Variants in BAZ1A observed in about 807,000 individuals in gnomAD.
The protein encoded by BAZ1A is bromodomain adjacent to zinc finger domain 1A, also known as bromodomain adjacent to zinc finger domain protein 1A.
A neutral mutation model predicts 185.2 loss-of-function variants in BAZ1A; 50 were observed. That is an observed-to-expected ratio of 0.27 (90% CI 0.22 to 0.34). The LOEUF (loss-of-function observed/expected upper bound fraction) is 0.34, where lower values mean the gene tolerates loss of function less well. BAZ1A is among the 10% of genes least tolerant of loss of function. The pLI, the probability that BAZ1A is intolerant of heterozygous loss-of-function variation, is 1.00. For synonymous variants in BAZ1A, 571 were observed against 615.6 expected (o/e 0.93, Z 1.07); for missense variants, 1,356 against 1,839.9 (o/e 0.74, Z 4.81).
rs988531892 is a variant in BAZ1A, at chr14:34,764,937, A to C, written c.3550-4T>G. ...ACCAGTCTCCTTCAGGCACAGTCTG[A>C]AAAAATCACATAAATGATCATTAAT... On this transcript the variant is annotated splice_region_variant and splice_polypyrimidine_tract_variant and intron_variant, in intron 22 of 26. Transcript: ENST00000360310. The C allele has an allele frequency of 2.5e-6, 4 of 1,614,022 alleles. No homozygotes were observed. The highest frequency in any genetic ancestry group is 2.2e-5 in the East Asian group (1 of 44,884).
rs10695361 is a variant in BAZ1A, at chr14:34,839,915, T to TAAA, written c.393-13762_393-13760dup. On this transcript the variant is annotated intron_variant, in intron 3 of 26. Transcript: ENST00000360310. ...ATTTTTTAAAAAAGAAAAGAACAAT[T>TAAA]AAAAATTTTTTTAAGTCAGAACTCT... Among the ~76,000 whole-genome samples, 910 of 150,220 alleles carry TAAA rather than the reference T, an allele frequency of 6.1e-3. 18 individuals carry two copies. The highest frequency in any genetic ancestry group is 0.022 in the African/African-American group (880 of 40,846).
intron 9 of BAZ1A, among the ~76,000 whole-genome samples, chr14:34,799,832 G>A (rs552106018): frequency 3.9e-4 from 60 of 152,120 alleles, no homozygotes; most frequent in Admixed American, 8.5e-4. Context: ...GGCTGGTCTC[G>A]AACTCCTGAC....
Position 34,762,166 on chromosome 14 carries a change from A to C in BAZ1A, c.3834T>G (p.Leu1278=). The C allele has an allele frequency of 6.2e-7, 1 of 1,614,172 alleles. No individual in the cohort carries two copies. The highest frequency in any genetic ancestry group is 8.5e-7 in the Non-Finnish European group (1 of 1,180,012). Residue 1278 remains leucine (L), a synonymous_variant, in exon 24 of 27, where the codon CTT becomes CTG. Transcript: ENST00000360310. ...GGCCACGACTTGAGAAAGAAGAGCT[A>C]AGTTTCCCTCTTGTTTTAACTGGCA... ...VRLPVKTRGK[L]SSSFSSRGQQ... is the part of the protein sequence containing the mutation.
In BAZ1A at chr14:34,782,762, A is replaced by G. The variant is rs537762185; in HGVS notation, c.2111+357T>C. Among the ~76,000 whole-genome samples, 33 of 152,304 alleles carry G rather than the reference A, an allele frequency of 2.2e-4. No individual in the cohort carries two copies. In the South Asian group the frequency reaches 6.4e-3, roughly 30 times the overall value. ...AAATTCCTACTTGTTTTCATAGACAATCCTATCTCAAATATTCTAAAATGC... is the reference window on the plus strand; with the variant it reads ...AAATTCCTACTTGTTTTCATAGACAGTCCTATCTCAAATATTCTAAAATGC... On this transcript the variant is annotated intron_variant, in intron 16 of 26. Transcript: ENST00000360310.
chr14:34,825,313 C>A (rs142816108), intron 4 of BAZ1A, among the ~76,000 whole-genome samples: 1 of 151,494 alleles, frequency 6.6e-6, no homozygotes. Flanking sequence ...ATTAGCCGGG[C>A]GTGGTGGTGC....
chr14:34,764,582 G>T, intron 23 of BAZ1A, 125 bp downstream of exon 23: 1 of 1,296,842 alleles, frequency 7.7e-7, no homozygotes, highest in Non-Finnish European at 1.0e-6. Flanking sequence ...ATAAGCTACC[G>T]TGTCCAGCCT....
chr14:34,784,367 C>CCAA lies in BAZ1A; in HGVS notation c.1832-441_1832-440insTTG, dbSNP rs1225939081. On this transcript the variant is annotated intron_variant, in intron 14 of 26. Coordinates refer to ENST00000360310, the MANE Select transcript of BAZ1A (RefSeq NM_013448.3). Reference sequence around the variant, plus strand: ...TGGGCAACTGAGTGAGACTCTGTCTCAAAAAAAAAAAAAAAAAAAAAAAAA... The same window carrying CCAA: ...TGGGCAACTGAGTGAGACTCTGTCTCCAAAAAAAAAAAAAAAAAAAAAAAAAAA... Among the ~76,000 whole-genome samples, 270 of 77,172 alleles carry CCAA rather than the reference C, an allele frequency of 3.5e-3. 51 individuals carry two copies. Among genetic ancestry groups the CCAA allele is most frequent in the East Asian group, 5.3e-3 (12 of 2,244 alleles). The allele number at this position is 77,172 out of a possible 152,430, so 50.6% of individuals were successfully genotyped here.
intron 20 of BAZ1A, among the ~76,000 whole-genome samples, chr14:34,772,249 T>C (rs7145412): frequency 0.58 from 88,213 of 151,994 alleles, 25,825 homozygotes; most frequent in South Asian, 0.67. Flanking sequence ...CCACTGCGCC[T>C]GGCCTAAAAT....
chr14:34,813,944 G>A (rs2041967825), intron 4 of BAZ1A, among the ~76,000 whole-genome samples: 1 of 151,760 alleles, frequency 6.6e-6, no homozygotes, highest in Non-Finnish European at 1.5e-5. Context: ...TTAGGAGGCT[G>A]AGGCAGGAGA....
intron 21 of BAZ1A, chr14:34,768,686 T>C: frequency 2.6e-6 from 1 of 387,590 alleles, no homozygotes; most frequent in South Asian, 2.0e-5. Flanking sequence ...AGTTAAAAAT[T>C]TACCATCTCT....
chr14:34,769,277 A>C (rs1879054363), intron 21 of BAZ1A, among the ~76,000 whole-genome samples: 1 of 152,132 alleles, frequency 6.6e-6, no homozygotes, highest in Admixed American at 6.5e-5. Context: ...GGCTTAAGTT[A>C]TTCTAATAAC....
At chr14:34,873,598 G>GA (rs753047750) in intron 2 of BAZ1A, among the ~76,000 whole-genome samples, 2 of 152,090 alleles carry the variant, frequency 1.3e-5, no homozygotes, top group Non-Finnish European at 1.5e-5. Flanking sequence ...GGCTGAGTCT[G>GA]GAGTTGAACT....
chr14:34,862,365 C>A (rs28571108), intron 2 of BAZ1A, 43 bp from the exon 3 acceptor site: 21 of 1,549,018 alleles, frequency 1.4e-5, no homozygotes, highest in Non-Finnish European at 1.7e-5. Flanking sequence ...CATTACCTAT[C>A]ATTTCACAAA....
In BAZ1A at chr14:34,783,344, TATAATGTAGTAATCATTCATAAGC is replaced by T. The variant is rs1211909378; in HGVS notation, c.1998-136_1998-113del. 4.6e-4 allele frequency: 300 copies of T among 657,274 alleles called. 1 individual carries two copies. Among genetic ancestry groups the T allele is most frequent in the Middle Eastern group, 2.7e-3 (6 of 2,254 alleles). 40.7% of individuals were successfully genotyped at this position (657,274 alleles called of 1,614,324 possible). ...AGTACTTCAAACATTATTATAAAAC[TATAATGTAGTAATCATTCATAAGC>T]TTTTTTTTTTTTTTTTTGAGACAGA... On this transcript the variant is annotated intron_variant, in intron 15 of 26. Transcript: ENST00000360310.
intron 3 of BAZ1A, among the ~76,000 whole-genome samples, chr14:34,844,032 C>CGT (rs1441060913): frequency 5.3e-5 from 3 of 56,328 alleles, no homozygotes; most frequent in Non-Finnish European, 1.1e-4. Flanking sequence ...GGTGAAACCC[C>CGT]GTCTCTACTA....
intron 4 of BAZ1A, among the ~76,000 whole-genome samples, chr14:34,820,203 G>GC (rs2042068155): frequency 7.4e-6 from 1 of 136,006 alleles, no homozygotes; most frequent in Admixed American, 8.4e-5. Flanking sequence ...TCAGCTCACT[G>GC]CAACTTCCAC....
intron 4 of BAZ1A, among the ~76,000 whole-genome samples, chr14:34,814,239 T>C (rs1446499980): frequency 2.0e-5 from 2 of 100,882 alleles, no homozygotes; most frequent in African/African-American, 3.6e-5. Flanking sequence ...TTATTACCAG[T>C]GGCTATATCT....
chr14:34,758,954 C>T (rs770281092), intron 24 of BAZ1A, 108 bp from the exon 25 acceptor site: 6 of 1,056,928 alleles, frequency 5.7e-6, no homozygotes, highest in Non-Finnish European at 8.1e-6. Flanking sequence ...ATAGACACTC[C>T]GTACACTGAG....
At chr14:34,793,560 G>A (rs1880987505) in intron 11 of BAZ1A, among the ~76,000 whole-genome samples, 1 of 152,208 alleles carries the variant, frequency 6.6e-6, no homozygotes, top group Admixed American at 6.5e-5. Context: ...TGTAATCCCA[G>A]CACTTTGCGA....
Sources: gnomAD v4.1 joint callset for allele counts (sites outside exome capture counted in the v4.1 genomes callset) on GRCh38, gnomAD v4.1.1 for gene constraint, MANE v1.5 for transcripts, NCBI Gene and HGNC (gene_info 2026-07-23, HGNC 2026-07-21) for gene names.